Variants in ADGRL3 observed in about 807,000 individuals in gnomAD.
The protein encoded by ADGRL3 is calcium-independent alpha-latrotoxin receptor 3.
A neutral mutation model predicts 153.5 loss-of-function variants in ADGRL3; 62 were observed. That is an observed-to-expected ratio of 0.40 (90% confidence interval 0.33 to 0.50). ADGRL3 has a LOEUF of 0.50. ADGRL3 is among the 20% of genes least tolerant of loss of function. The pLI, the probability that ADGRL3 is intolerant of heterozygous loss-of-function variation, is 0.47. For synonymous variants in ADGRL3, 710 were observed against 672.5 expected (o/e 1.06, Z -0.86); for missense variants, 1,641 against 1,859.4 (o/e 0.88, Z 2.16).
At chr4:61,873,802 A>AT (rs1437530560) in intron 9 of ADGRL3, among the ~76,000 whole-genome samples, 2 of 151,912 alleles carry the variant, frequency 1.3e-5, no homozygotes, top group Admixed American at 1.3e-4. Context: ...TTCTAGAGAT[A>AT]TTTTTGTCAC....
chr4:61,532,341 C>G (rs1209934339), intron 4 of ADGRL3, among the ~76,000 whole-genome samples: 1 of 152,080 alleles, frequency 6.6e-6, no homozygotes, highest in Non-Finnish European at 1.5e-5. Context: ...CTCAGCTTTT[C>G]AAGTTACAAT....
At chr4:61,642,257 A>C (rs529089907) in intron 5 of ADGRL3, among the ~76,000 whole-genome samples, 51 of 152,114 alleles carry the variant, frequency 3.4e-4, no homozygotes, top group African/African-American at 1.2e-3. Flanking sequence ...CTCTGATGGC[A>C]GTTTCTTTTG....
At chr4:61,860,095 T>G (rs1295551083) in intron 9 of ADGRL3, among the ~76,000 whole-genome samples, 3 of 152,204 alleles carry the variant, frequency 2.0e-5, no homozygotes, top group Admixed American at 1.3e-4. Context: ...CTGCAGGGCA[T>G]GCTTCAGAGT....
chr4:62,040,872 T>C (rs990061877), intron 24 of ADGRL3, among the ~76,000 whole-genome samples: 2 of 152,058 alleles, frequency 1.3e-5, no homozygotes, highest in Non-Finnish European at 2.9e-5. Context: ...TGCCAAAGTC[T>C]GAGTTACAAG....
intron 3 of ADGRL3, among the ~76,000 whole-genome samples, chr4:61,502,085 G>A (rs1743177266): frequency 2.6e-5 from 4 of 152,062 alleles, no homozygotes. Context: ...TCTTTTTGTT[G>A]TTGTTCTGTT....
chr4:61,973,177 A>G (rs2099035464), intron 17 of ADGRL3, among the ~76,000 whole-genome samples: 1 of 151,988 alleles, frequency 6.6e-6, no homozygotes, highest in Non-Finnish European at 1.5e-5. Context: ...AGTTTCACAT[A>G]AAGTCTTAGT....
At chr4:61,757,975 G>T (rs2096858526) in intron 8 of ADGRL3, among the ~76,000 whole-genome samples, 1 of 152,120 alleles carries the variant, frequency 6.6e-6, no homozygotes, top group African/African-American at 2.4e-5. Flanking sequence ...ATTGCACTGT[G>T]GTCTGAGAGA....
At chr4:61,334,118 T>C (rs1049082502) in intron 1 of ADGRL3, among the ~76,000 whole-genome samples, 8 of 151,940 alleles carry the variant, frequency 5.3e-5, no homozygotes, top group African/African-American at 1.7e-4. Context: ...GGTTTTGCCA[T>C]GTTGGCCAGG....
rs572507618 is a variant in ADGRL3 at position 61,200,347 on chromosome 4, C to G, written c.-1658C>G. 3.3e-5 allele frequency among the ~76,000 whole-genome samples: 5 copies of G among 151,502 alleles called. No homozygotes were observed. In the South Asian group the frequency reaches 1.0e-3, roughly 32 times the overall value. On this transcript the variant is annotated 5_prime_UTR_variant, in exon 1 of 27. Transcript: ENST00000683033. ...GCTCATTCTGGCCTCCGCTCCGGCC[C>G]CGGCTGCGCCTACCCCGCGCGCAGG...
intron 1 of ADGRL3, among the ~76,000 whole-genome samples, chr4:61,226,906 A>G (rs1453115109): frequency 6.6e-6 from 1 of 152,182 alleles, no homozygotes; most frequent in Non-Finnish European, 1.5e-5. Context: ...ATAAATTTAG[A>G]TATTTGAACT....
At chr4:61,481,972 G>T (rs907859666) in intron 2 of ADGRL3, among the ~76,000 whole-genome samples, 1 of 151,992 alleles carries the variant, frequency 6.6e-6, no homozygotes, top group African/African-American at 2.4e-5. Context: ...ATTGTCTTGA[G>T]ATATTTCAGG....
chr4:61,325,444 T>C (rs1212621710), intron 1 of ADGRL3, among the ~76,000 whole-genome samples: 4 of 152,232 alleles, frequency 2.6e-5, no homozygotes, highest in Admixed American at 1.3e-4. Context: ...AATGCAGTAG[T>C]ACTTTCAAAA....
chr4:61,302,436 A>G (rs905041613), intron 1 of ADGRL3, among the ~76,000 whole-genome samples: 1 of 151,982 alleles, frequency 6.6e-6, no homozygotes, highest in Admixed American at 6.5e-5. Flanking sequence ...AAAACTAGGT[A>G]TTGGATTTTT....
intron 1 of ADGRL3, among the ~76,000 whole-genome samples, chr4:61,232,799 A>G (rs1395601459): frequency 6.6e-6 from 1 of 152,188 alleles, no homozygotes; most frequent in African/African-American, 2.4e-5. Context: ...GTAGGTAAAG[A>G]CACTCACAAT....
chr4:62,034,375 G>T (rs117470376), intron 23 of ADGRL3, among the ~76,000 whole-genome samples: 1 of 151,614 alleles, frequency 6.6e-6, no homozygotes, highest in African/African-American at 2.4e-5. Context: ...AATTTTGAAC[G>T]CTTATTTTCA....
chr4:61,333,607 GT>G (rs2151004088), intron 1 of ADGRL3, among the ~76,000 whole-genome samples: 1 of 148,048 alleles, frequency 6.8e-6, no homozygotes, highest in East Asian at 2.0e-4. Flanking sequence ...TTTTTCTTTT[GT>G]TTTTTGACAG....
At chr4:61,576,367 T>A (rs2098882413) in intron 4 of ADGRL3, among the ~76,000 whole-genome samples, 2 of 151,754 alleles carry the variant, frequency 1.3e-5, no homozygotes, top group South Asian at 4.2e-4. Flanking sequence ...TCATTTTGGC[T>A]AGTCTATCAC....
intron 4 of ADGRL3, among the ~76,000 whole-genome samples, chr4:61,561,995 C>G (rs556351926): frequency 5.9e-5 from 9 of 151,926 alleles, no homozygotes; most frequent in African/African-American, 2.2e-4. Context: ...ATATCTATAT[C>G]TATATGTGCA....
chr4:61,963,200 GT>G (rs1355991837), intron 17 of ADGRL3, among the ~76,000 whole-genome samples: 1 of 150,898 alleles, frequency 6.6e-6, no homozygotes, highest in Non-Finnish European at 1.5e-5. Context: ...CTTTCTTTGA[GT>G]TTTTTTCTGG....
Sources: allele counts gnomAD v4.1 joint callset (sites outside exome capture counted in the v4.1 genomes callset), GRCh38; gene constraint gnomAD v4.1.1; transcripts MANE v1.5; gene names NCBI Gene and HGNC (gene_info 2026-07-23, HGNC 2026-07-21).